DCC: variants seen among roughly 807,000 people sequenced by gnomAD.
The protein encoded by DCC is netrin receptor DCC.
Under a neutral mutation model 172.5 loss-of-function variants are expected in DCC, and 58 were observed. The observed-to-expected ratio is 0.34, with a 90% CI of 0.27 to 0.42. The LOEUF (loss-of-function observed/expected upper bound fraction) is 0.42, where lower values mean the gene tolerates loss of function less well. DCC is among the 10% of genes least tolerant of loss of function. The probability of loss-of-function intolerance (pLI) is 1.00; values close to 1 mark genes in which losing one functional copy is unlikely to be tolerated. For missense variants in DCC, 1,740 were observed against 1,791.0 expected, an observed-to-expected ratio of 0.97 and a Z score of 0.51; for synonymous variants, 709 against 644.5, an observed-to-expected ratio of 1.10 and a Z score of -1.52.
chr18:53,068,786 TG>T, intron 7 of DCC, among the ~76,000 whole-genome samples: 1 of 151,278 alleles, frequency 6.6e-6, no homozygotes, highest in South Asian at 2.1e-4. Flanking sequence ...TGTGTGTGTG[TG>T]TGTGTGTGTG....
intron 1 of DCC, among the ~76,000 whole-genome samples, chr18:52,488,520 GGA>G (rs927921801): frequency 6.6e-5 from 10 of 152,170 alleles, no homozygotes; most frequent in Admixed American, 5.2e-4. Context: ...CAGGTAGAAA[GGA>G]GAGAGAAAAT....
intron 22 of DCC, among the ~76,000 whole-genome samples, chr18:53,436,348 C>T (rs572847650): frequency 1.3e-5 from 2 of 152,210 alleles, no homozygotes; most frequent in South Asian, 2.1e-4. Flanking sequence ...CAAAATTAAC[C>T]ATTTTTGCAG....
intron 2 of DCC, among the ~76,000 whole-genome samples, chr18:52,829,633 G>C (rs1436012559): frequency 6.6e-6 from 1 of 151,700 alleles, no homozygotes; most frequent in Non-Finnish European, 1.5e-5. Flanking sequence ...CTTTGTAGCA[G>C]TTGAAAATGA....
intron 1 of DCC, among the ~76,000 whole-genome samples, chr18:52,560,595 C>CA (rs2033014712): frequency 6.6e-6 from 1 of 152,146 alleles, no homozygotes; most frequent in African/African-American, 2.4e-5. Context: ...TGAAGGAAAG[C>CA]AAAAGACACC....
At chr18:52,987,246 T>A (rs2041310897) in intron 5 of DCC, among the ~76,000 whole-genome samples, 1 of 152,170 alleles carries the variant, frequency 6.6e-6, no homozygotes, top group Non-Finnish European at 1.5e-5. Flanking sequence ...CAAGGAGCTC[T>A]GTGATTCTCA....
intron 15 of DCC, among the ~76,000 whole-genome samples, chr18:53,356,148 G>A (rs1169218293): frequency 2.0e-5 from 3 of 151,982 alleles, no homozygotes; most frequent in Non-Finnish European, 4.4e-5. Context: ...TCAAATTCCT[G>A]GGCTCAAGCA....
At chr18:52,606,160 G>T (rs887449049) in intron 1 of DCC, among the ~76,000 whole-genome samples, 2 of 152,004 alleles carry the variant, frequency 1.3e-5, no homozygotes, top group East Asian at 3.9e-4. Flanking sequence ...TTCAAGGAAG[G>T]CTGGAAAATA....
chr18:52,929,302 C>T (rs953143679), intron 5 of DCC, among the ~76,000 whole-genome samples: 3 of 152,126 alleles, frequency 2.0e-5, no homozygotes, highest in Non-Finnish European at 4.4e-5. Context: ...ATATGCTTTA[C>T]TGTCTGCCCT....
intron 7 of DCC, among the ~76,000 whole-genome samples, chr18:53,086,147 C>G (rs144075678): frequency 0.16 from 3,458 of 21,130 alleles, 1,119 homozygotes; most frequent in Admixed American, 0.26. Flanking sequence ...TCCTCCTCCT[C>G]CTCCTCTTCC....
At chr18:53,245,400 C>T (rs1040228051) in intron 12 of DCC, among the ~76,000 whole-genome samples, 16 of 152,104 alleles carry the variant, frequency 1.1e-4, no homozygotes, top group Admixed American at 9.8e-4. Context: ...CCTCAGTTTA[C>T]TCATTTGTTA....
At chr18:53,077,284 A>G (rs1011681386) in intron 7 of DCC, among the ~76,000 whole-genome samples, 2 of 151,998 alleles carry the variant, frequency 1.3e-5, no homozygotes, top group African/African-American at 4.8e-5. Context: ...TCAACATTCT[A>G]CCTTGGGAAA....
rs1237480537 is a variant in DCC, at chr18:52,979,985, G to A, written c.985+54615G>A. 2.6e-5 allele frequency among the ~76,000 whole-genome samples: 4 copies of A among 152,184 alleles called. No individual in the cohort carries two copies. The East Asian group carries it at 7.7e-4, about 29-fold the overall frequency. ...TACTTGAAAAGGAGAGGGGATGTGA[G>A]TTCTACAGACAGCACTTATCCCCTG... On this transcript the variant is annotated intron_variant, in intron 5 of 28. Transcript: ENST00000442544.
intron 2 of DCC, among the ~76,000 whole-genome samples, chr18:52,775,433 G>A (rs192902624): frequency 7.2e-5 from 11 of 152,306 alleles, no homozygotes; most frequent in Admixed American, 7.2e-4. Context: ...TCTGTATCCC[G>A]GGTTCTTGCC....
At chr18:52,897,540 A>C (rs1401033812) in intron 2 of DCC, among the ~76,000 whole-genome samples, 1 of 152,262 alleles carries the variant, frequency 6.6e-6, no homozygotes, top group Non-Finnish European at 1.5e-5. Context: ...AATAAAATAC[A>C]GAAAACATCC....
At position 52,340,585 on chromosome 18, in the gene DCC, C is replaced by T. The variant is rs1983581070; in HGVS notation, c.-203C>T. 1.6e-6 allele frequency: 1 copy of T among 642,484 alleles called. No individual in the cohort carries two copies. The allele number at this position is 642,484 out of a possible 1,614,324, so 39.8% of individuals were successfully genotyped here. A position where few individuals can be genotyped will look rare whatever the true frequency, so the allele number is the denominator to read the frequency against. On this transcript the variant is annotated 5_prime_UTR_variant, in exon 1 of 29. Coordinates refer to ENST00000442544, the MANE Select transcript of DCC (RefSeq NM_005215.4). Reference sequence around the variant, plus strand: ...TTGCTGCCTGCTTTTGCTGCTGATTCTGTCAGTGGACAAGGAAAAAGGCTT... The same window carrying T: ...TTGCTGCCTGCTTTTGCTGCTGATTTTGTCAGTGGACAAGGAAAAAGGCTT...
At chr18:52,799,019 G>T (rs532401276) in intron 2 of DCC, among the ~76,000 whole-genome samples, 14 of 152,292 alleles carry the variant, frequency 9.2e-5, no homozygotes, top group African/African-American at 1.4e-4. Flanking sequence ...AAAATGCTGG[G>T]ATTACAGGCG....
intron 7 of DCC, among the ~76,000 whole-genome samples, chr18:53,154,702 C>A (rs1304692677): frequency 6.6e-6 from 1 of 151,950 alleles, no homozygotes; most frequent in Admixed American, 6.6e-5. Flanking sequence ...CCCTAGCATG[C>A]GGTGAGTGAA....
At chr18:52,613,179 C>T (rs2034306953) in intron 1 of DCC, among the ~76,000 whole-genome samples, 1 of 152,210 alleles carries the variant, frequency 6.6e-6, no homozygotes, top group Non-Finnish European at 1.5e-5. Flanking sequence ...GGGATGATCA[C>T]AACAGATCTG....
intron 1 of DCC, among the ~76,000 whole-genome samples, chr18:52,619,899 A>C (rs1433688464): frequency 6.6e-6 from 1 of 152,230 alleles, no homozygotes; most frequent in African/African-American, 2.4e-5. Flanking sequence ...GATAAGCACC[A>C]GTCATAAATT....
Sources: gnomAD v4.1 joint callset for allele counts (sites outside exome capture counted in the v4.1 genomes callset) on GRCh38, gnomAD v4.1.1 for gene constraint, MANE v1.5 for transcripts, NCBI Gene and HGNC (gene_info 2026-07-23, HGNC 2026-07-21) for gene names.